Variants in EPHB1 observed in about 807,000 individuals in gnomAD.
The protein encoded by EPHB1 is ephrin type-B receptor 1.
A neutral mutation model predicts 94.4 loss-of-function variants in EPHB1; 30 were observed. That is an observed-to-expected ratio of 0.32 (90% CI 0.24 to 0.43). EPHB1 has a LOEUF of 0.43. EPHB1 is among the 20% of genes least tolerant of loss of function. The pLI, the probability that EPHB1 is intolerant of heterozygous loss-of-function variation, is 1.00. For synonymous variants in EPHB1, 522 were observed against 489.1 expected, an observed-to-expected ratio of 1.07 and a Z score of -0.89; for missense variants, 1,055 against 1,308.3, an observed-to-expected ratio of 0.81 and a Z score of 2.99.
At chr3:135,139,683 G>T (rs759260802) in intron 5 of EPHB1, among the ~76,000 whole-genome samples, 1 of 152,172 alleles carries the variant, frequency 6.6e-6, no homozygotes, top group Non-Finnish European at 1.5e-5. Flanking sequence ...GACTTGATGG[G>T]GTGCAGGACC....
chr3:135,023,709 C>T (rs1037217172), intron 3 of EPHB1, among the ~76,000 whole-genome samples: 1 of 152,078 alleles, frequency 6.6e-6, no homozygotes, highest in Non-Finnish European at 1.5e-5. Context: ...ATGGAAATCC[C>T]TGAAGGTTCT....
intron 2 of EPHB1, among the ~76,000 whole-genome samples, chr3:134,946,578 C>T (rs1025022813): frequency 3.3e-5 from 5 of 152,024 alleles, no homozygotes; most frequent in African/African-American, 9.7e-5. Flanking sequence ...ATGTTTGTCC[C>T]CTCCCAATCT....
chr3:134,885,616 A>C (rs1037763671), intron 1 of EPHB1, among the ~76,000 whole-genome samples: 1 of 152,206 alleles, frequency 6.6e-6, no homozygotes, highest in East Asian at 1.9e-4. Flanking sequence ...ATTTCCTTCT[A>C]TAGCATCCAA....
chr3:134,915,294 C>A (rs1269180443), intron 1 of EPHB1, among the ~76,000 whole-genome samples: 2 of 152,064 alleles, frequency 1.3e-5, no homozygotes, highest in Non-Finnish European at 2.9e-5. Flanking sequence ...TATGACGGAC[C>A]CCTCATCCAA....
At chr3:135,224,036 C>T (rs1056349796) in intron 12 of EPHB1, among the ~76,000 whole-genome samples, 2 of 152,066 alleles carry the variant, frequency 1.3e-5, no homozygotes, top group Non-Finnish European at 2.9e-5. Context: ...TTTACTATAC[C>T]TTTTCTGTGT....
intron 1 of EPHB1, among the ~76,000 whole-genome samples, chr3:134,907,281 C>T (rs1173695391): frequency 1.3e-5 from 2 of 152,218 alleles, no homozygotes; most frequent in Admixed American, 6.5e-5. Context: ...AACTCCAGTG[C>T]TCTCTTAGTT....
intron 13 of EPHB1, 41 bp from the exon 14 acceptor site, chr3:135,248,269 CTGGTGG>C: frequency 6.8e-7 from 1 of 1,477,674 alleles, no homozygotes; most frequent in Middle Eastern, 2.1e-4. Flanking sequence ...GAGTGACTGG[CTGGTGG>C]CAGTCACTCA....
At chr3:134,853,197 G>A (rs369365839) in intron 1 of EPHB1, among the ~76,000 whole-genome samples, 2 of 152,338 alleles carry the variant, frequency 1.3e-5, no homozygotes, top group South Asian at 2.1e-4. Flanking sequence ...TTACCTGGGG[G>A]ACTGTTGTCA....
chr3:135,138,290 G>A (rs1940693952), intron 5 of EPHB1, among the ~76,000 whole-genome samples: 1 of 152,084 alleles, frequency 6.6e-6, no homozygotes, highest in South Asian at 2.1e-4. Flanking sequence ...CCATTTTTAA[G>A]GCACTTTTGA....
intron 1 of EPHB1, among the ~76,000 whole-genome samples, chr3:134,847,092 G>T (rs573777548): frequency 7.6e-4 from 116 of 152,078 alleles, no homozygotes; most frequent in African/African-American, 2.8e-3. Flanking sequence ...GCCATTTCAC[G>T]CTGATTAACA....
chr3:135,154,466 T>G, intron 6 of EPHB1, 190 bp downstream of exon 6: 1 of 685,116 alleles, frequency 1.5e-6, no homozygotes, highest in Non-Finnish European at 2.3e-6. Flanking sequence ...CCAGGCACTT[T>G]CTGTGCCAAC....
intron 2 of EPHB1, among the ~76,000 whole-genome samples, chr3:134,937,159 G>A (rs188957827): frequency 8.7e-4 from 133 of 152,310 alleles, no homozygotes; most frequent in African/African-American, 3.1e-3. Context: ...CTTGCACCTG[G>A]GAAGCCAAGT....
intron 1 of EPHB1, among the ~76,000 whole-genome samples, chr3:134,875,654 A>G (rs1184620116): frequency 6.6e-6 from 1 of 152,218 alleles, no homozygotes; most frequent in African/African-American, 2.4e-5. Context: ...CAAGGTGGTG[A>G]TGAGCTAATG....
At chr3:134,808,390 G>A (rs1231765822) in intron 1 of EPHB1, among the ~76,000 whole-genome samples, 1 of 152,180 alleles carries the variant, frequency 6.6e-6, no homozygotes, top group Non-Finnish European at 1.5e-5. Context: ...CTCTATAGCT[G>A]AGGGGGAAGG....
chr3:135,212,601 T>A lies in EPHB1; in HGVS notation c.2346+10912T>A, dbSNP rs192683907. Among the ~76,000 whole-genome samples the A allele has an allele frequency of 7.9e-5, 12 of 152,344 alleles. No homozygotes were observed. In the East Asian group the frequency reaches 2.3e-3, roughly 29 times the overall value. On this transcript the variant is annotated intron_variant, in intron 12 of 15. Transcript: ENST00000398015. Reference sequence around the variant, plus strand: ...AAAACTTTATACACAGAATTTGGTATTACCTTTCCCTTGTTATCTTGTTTC... The same window carrying A: ...AAAACTTTATACACAGAATTTGGTAATACCTTTCCCTTGTTATCTTGTTTC...
intron 3 of EPHB1, among the ~76,000 whole-genome samples, chr3:135,105,432 G>C (rs938133750): frequency 6.6e-6 from 1 of 152,156 alleles, no homozygotes; most frequent in African/African-American, 2.4e-5. Flanking sequence ...TAGGTTTCAT[G>C]GGGACAGGAA....
At chr3:135,066,390 A>G (rs1345418517) in intron 3 of EPHB1, among the ~76,000 whole-genome samples, 1 of 152,122 alleles carries the variant, frequency 6.6e-6, no homozygotes, top group African/African-American at 2.4e-5. Flanking sequence ...GGCTTTGTTC[A>G]TGTTTTCTTA....
chr3:134,994,986 T>TGTGTG (rs1934940621), intron 3 of EPHB1, among the ~76,000 whole-genome samples: 1 of 148,380 alleles, frequency 6.7e-6, no homozygotes, highest in Non-Finnish European at 1.5e-5. Flanking sequence ...TTACATACAC[T>TGTGTG]TGTGTGTGTG....
chr3:135,161,422 G>A (rs772849645), intron 6 of EPHB1, among the ~76,000 whole-genome samples: 1 of 152,204 alleles, frequency 6.6e-6, no homozygotes, highest in Non-Finnish European at 1.5e-5. Flanking sequence ...CAAGGTGAGG[G>A]CAGAAGTAGG....
Sources: gnomAD v4.1 joint callset for allele counts (sites outside exome capture counted in the v4.1 genomes callset) on GRCh38, gnomAD v4.1.1 for gene constraint, MANE v1.5 for transcripts, NCBI Gene and HGNC (gene_info 2026-07-23, HGNC 2026-07-21) for gene names.